The following HS6ST3 variants were observed in gnomAD, a reference collection of about 807,000 sequenced individuals.
HS6ST3 encodes heparan-sulfate 6-O-sulfotransferase 3.
HS6ST3 carries 12 observed loss-of-function variants against 36.7 expected under a neutral mutation model. The ratio of observed to expected loss-of-function variants is 0.33; its 90% confidence interval spans 0.21 to 0.53. The LOEUF (loss-of-function observed/expected upper bound fraction) is 0.53. Among genes scored for constraint, HS6ST3 ranks in the 20% least tolerant of loss-of-function variants. The pLI, the probability that HS6ST3 is intolerant of heterozygous loss-of-function variation, is 0.95. For synonymous variants in HS6ST3, 240 were observed against 257.5 expected (o/e 0.93, Z 0.65); for missense variants, 584 against 640.9 (o/e 0.91, Z 0.96).
At position 96,832,542 on chromosome 13, in the gene HS6ST3, G is replaced by A. The variant is rs1484788053; in HGVS notation, c.760G>A (p.Glu254Lys). Residue 254 changes from glutamate (E) to lysine (K), a missense_variant, in exon 2 of 2, where the codon GAG (glutamate) becomes AAG (lysine). Transcript: ENST00000376705. ...GGATCCAGTGTCACGTTACCTGAGC[G>A]AGTGGAAACATGTCCAGAGAGGGGC... ...LRDPVSRYLS[E>K]WKHVQRGATW... The A allele has an allele frequency of 3.1e-6, 5 of 1,608,034 alleles. No homozygotes were observed. The highest frequency in any genetic ancestry group is 1.1e-5 in the South Asian group (1 of 89,680).
At position 96,464,138 on chromosome 13, in the gene HS6ST3, C is replaced by CAAAAAAAAAAAAAAAAAAAAAAAA. The variant is rs67305199; in HGVS notation, c.708-368329_708-368328insAAAAAAAAAAAAAAAAAAAAAAAA. Among the ~76,000 whole-genome samples the CAAAAAAAAAAAAAAAAAAAAAAAA allele has an allele frequency of 7.2e-4, 28 of 38,790 alleles. 5 individuals carry two copies. The highest frequency in any genetic ancestry group is 1.7e-3 in the East Asian group (2 of 1,176). The allele number at this position is 38,790 out of a possible 152,430, so 25.4% of individuals were successfully genotyped here. A position where few individuals can be genotyped will look rare whatever the true frequency, so the allele number is the denominator to read the frequency against. On this transcript the variant is annotated intron_variant, in intron 1 of 1. Transcript: ENST00000376705. ...TCCTCAGGAAAGGACTGTCAGGCCT[C>CAAAAAAAAAAAAAAAAAAAAAAAA]AAAAAAAAAAAAAAAAAAAAAAATC...
chr13:96,558,861 C>A (rs2056251001), intron 1 of HS6ST3, among the ~76,000 whole-genome samples: 1 of 152,068 alleles, frequency 6.6e-6, no homozygotes, highest in South Asian at 2.1e-4. Flanking sequence ...TTACAGAATT[C>A]TACTTGTAAT....
At chr13:96,535,245 T>A (rs1339117279) in intron 1 of HS6ST3, among the ~76,000 whole-genome samples, 1 of 151,816 alleles carries the variant, frequency 6.6e-6, no homozygotes, top group Non-Finnish European at 1.5e-5. Context: ...ATTCTATAGG[T>A]ATGCGTGGAG....
intron 1 of HS6ST3, among the ~76,000 whole-genome samples, chr13:96,817,247 A>ATACACAGTG (rs1878441757): frequency 6.6e-6 from 1 of 152,320 alleles, no homozygotes; most frequent in South Asian, 2.1e-4. Context: ...ATTCCATTAT[A>ATACACAGTG]TACACAGTGC....
intron 1 of HS6ST3, among the ~76,000 whole-genome samples, chr13:96,096,754 G>A (rs956696863): frequency 4.6e-5 from 7 of 152,138 alleles, no homozygotes; most frequent in African/African-American, 1.7e-4. Context: ...AACATTGTCT[G>A]GTTATTGCTT....
chr13:96,315,066 A>G (rs1405452379), intron 1 of HS6ST3, among the ~76,000 whole-genome samples: 1 of 152,190 alleles, frequency 6.6e-6, no homozygotes, highest in African/African-American at 2.4e-5. Flanking sequence ...ACCTTGGGAA[A>G]AAATAAAGTA....
At chr13:96,352,679 C>T (rs1324503006) in intron 1 of HS6ST3, among the ~76,000 whole-genome samples, 2 of 152,040 alleles carry the variant, frequency 1.3e-5, no homozygotes, top group Non-Finnish European at 2.9e-5. Context: ...AGGCTGCTAC[C>T]ATAGAAGGTT....
intron 1 of HS6ST3, among the ~76,000 whole-genome samples, chr13:96,771,798 A>G (rs1276694258): frequency 6.6e-6 from 1 of 152,148 alleles, no homozygotes; most frequent in Admixed American, 6.5e-5. Flanking sequence ...TTAGGCATCA[A>G]CCTGAAGACA....
chr13:96,779,414 A>T (rs1877472154), intron 1 of HS6ST3, among the ~76,000 whole-genome samples: 2 of 152,022 alleles, frequency 1.3e-5, no homozygotes, highest in South Asian at 4.1e-4. Context: ...ATGGGCTGTT[A>T]TTGAAATGTT....
At chr13:96,124,298 G>C (rs1474691665) in intron 1 of HS6ST3, among the ~76,000 whole-genome samples, 1 of 152,116 alleles carries the variant, frequency 6.6e-6, no homozygotes, top group Non-Finnish European at 1.5e-5. Flanking sequence ...TTAGGACAAG[G>C]AGACCACCAG....
intron 1 of HS6ST3, among the ~76,000 whole-genome samples, chr13:96,152,784 GCTTA>G (rs2054092967): frequency 6.6e-6 from 1 of 151,904 alleles, no homozygotes; most frequent in South Asian, 2.1e-4. Flanking sequence ...AATTTCTAAA[GCTTA>G]CTTCTTTGGC....
intron 1 of HS6ST3, among the ~76,000 whole-genome samples, chr13:96,506,492 C>T (rs2056027115): frequency 6.6e-6 from 1 of 152,116 alleles, no homozygotes; most frequent in African/African-American, 2.4e-5. Context: ...TTGCAGCTGC[C>T]ATTAATTCAT....
chr13:96,210,782 C>T (rs1253247237), intron 1 of HS6ST3, among the ~76,000 whole-genome samples: 3 of 151,238 alleles, frequency 2.0e-5, no homozygotes, highest in African/African-American at 4.9e-5. Flanking sequence ...TTAGTAGAGA[C>T]GAGGTTTCAC....
At chr13:96,803,742 A>G (rs1303465850) in intron 1 of HS6ST3, among the ~76,000 whole-genome samples, 1 of 152,156 alleles carries the variant, frequency 6.6e-6, no homozygotes, top group Non-Finnish European at 1.5e-5. Flanking sequence ...GTGTTGGGGC[A>G]TGGGTAATTC....
intron 1 of HS6ST3, among the ~76,000 whole-genome samples, chr13:96,348,545 A>G (rs1300635933): frequency 6.6e-6 from 1 of 152,226 alleles, no homozygotes; most frequent in African/African-American, 2.4e-5. Context: ...ATTTAAGATT[A>G]CTGAAACCAA....
intron 1 of HS6ST3, among the ~76,000 whole-genome samples, chr13:96,497,113 G>T (rs911957311): frequency 8.5e-5 from 13 of 152,074 alleles, no homozygotes; most frequent in Admixed American, 8.5e-4. Flanking sequence ...TGGGCACCGG[G>T]GGAAGATCTC....
At position 96,308,493 on chromosome 13, in the gene HS6ST3, C is replaced by T. The variant is rs560406694; in HGVS notation, c.707+216924C>T. On this transcript the variant is annotated intron_variant, in intron 1 of 1. Transcript: ENST00000376705. ...AAAATAATCAACATGGTTTCCTCTT[C>T]TCTGTAATTAATGAGTAGATATTTG... Among the ~76,000 whole-genome samples the T allele has an allele frequency of 1.2e-3, 178 of 152,166 alleles. 1 individual carries two copies. Among genetic ancestry groups the T allele is most frequent in the African/African-American group, 4.2e-3 (176 of 41,550 alleles).
At chr13:96,352,953 G>C (rs536420098) in intron 1 of HS6ST3, among the ~76,000 whole-genome samples, 2 of 151,782 alleles carry the variant, frequency 1.3e-5, no homozygotes, top group African/African-American at 2.4e-5. Context: ...AAGTGGCAGA[G>C]CCAGGACTTG....
chr13:96,102,025 A>C (rs1005860738), intron 1 of HS6ST3, among the ~76,000 whole-genome samples: 4 of 152,158 alleles, frequency 2.6e-5, no homozygotes, highest in Non-Finnish European at 4.4e-5. Context: ...AGGAATGTGC[A>C]CTTTGTTGGT....
Sources: gnomAD v4.1 joint callset for allele counts (sites outside exome capture counted in the v4.1 genomes callset) on GRCh38, gnomAD v4.1.1 for gene constraint, MANE v1.5 for transcripts, NCBI Gene and HGNC (gene_info 2026-07-23, HGNC 2026-07-21) for gene names.